GTF2F2: variants seen among roughly 807,000 people sequenced by gnomAD.
GTF2F2 encodes the protein general transcription factor IIF subunit 2, also known as ATP-dependent helicase GTF2F2.
GTF2F2 carries 23 observed loss-of-function variants against 42.2 expected under a neutral mutation model. The ratio of observed to expected loss-of-function variants is 0.55; its 90% CI spans 0.39 to 0.77. The LOEUF (loss-of-function observed/expected upper bound fraction) is 0.77, where lower values mean the gene tolerates loss of function less well. GTF2F2 is among the 30% of genes least tolerant of loss of function. The pLI, the probability that GTF2F2 is intolerant of heterozygous loss-of-function variation, is 0.00. For synonymous variants in GTF2F2, 105 were observed against 100.8 expected (o/e 1.04, Z -0.25); for missense variants, 261 against 287.2 (o/e 0.91, Z 0.66).
chr13:45,190,927 A>G (rs1351600130), intron 4 of GTF2F2, among the ~76,000 whole-genome samples: 1 of 145,068 alleles, frequency 6.9e-6, no homozygotes, highest in Non-Finnish European at 1.5e-5. Context: ...ATTGAAATAC[A>G]AGTAATTTTC....
chr13:45,265,471 A>G (rs78218019), intron 6 of GTF2F2, among the ~76,000 whole-genome samples: 1 of 152,062 alleles, frequency 6.6e-6, no homozygotes, highest in Non-Finnish European at 1.5e-5. Flanking sequence ...TACTCTCCCC[A>G]TATCTTAGCG....
chr13:45,165,967 C>G (rs1871282418), intron 4 of GTF2F2, among the ~76,000 whole-genome samples: 1 of 151,804 alleles, frequency 6.6e-6, no homozygotes, highest in Non-Finnish European at 1.5e-5. Context: ...GCGCCCGCCC[C>G]TACGCCTGGC....
chr13:45,264,531 A>C (rs2138261464), intron 6 of GTF2F2, among the ~76,000 whole-genome samples: 1 of 152,038 alleles, frequency 6.6e-6, no homozygotes, highest in African/African-American at 2.4e-5. Flanking sequence ...TGTCCTCCCA[A>C]AGTTGCTGGG....
intron 4 of GTF2F2, chr13:45,194,675 G>A: frequency 2.0e-6 from 2 of 1,021,676 alleles, no homozygotes; most frequent in Admixed American, 2.5e-5. Context: ...GTGATGGAAT[G>A]GAAACGCTGG....
intron 4 of GTF2F2, among the ~76,000 whole-genome samples, chr13:45,201,612 C>T (rs1873188891): frequency 3.3e-5 from 5 of 152,000 alleles, no homozygotes; most frequent in South Asian, 4.2e-4. Flanking sequence ...TATACATAAC[C>T]TTTAAAATTT....
chr13:45,213,527 A>G (rs1194447260), intron 5 of GTF2F2, among the ~76,000 whole-genome samples: 3 of 152,268 alleles, frequency 2.0e-5, no homozygotes, highest in South Asian at 2.1e-4. Flanking sequence ...GCATTCCCAC[A>G]TATTTAAATG....
chr13:45,267,312 C>T lies in GTF2F2; in HGVS notation c.566C>T (p.Ser189Leu). ...DKQHVLDMLF[S>L]AFEKHQYYNL... ...CAACATGTTTTAGACATGCTATTTT[C>T]AGCCTTTGAGAAACATCAATACTAT... The change falls in exon 7 of 8, where the codon TCA becomes TTA. Residue 189 changes from serine to leucine, a missense_variant. Coordinates refer to ENST00000340473, the MANE Select transcript of GTF2F2 (RefSeq NM_004128.3). 1 of 1,611,080 alleles carries T rather than the reference C, an allele frequency of 6.2e-7. No homozygotes were observed. The highest frequency in any genetic ancestry group is 8.5e-7 in the Non-Finnish European group (1 of 1,177,392).
At chr13:45,127,491 A>G (rs1415484716) in intron 1 of GTF2F2, among the ~76,000 whole-genome samples, 1 of 139,752 alleles carries the variant, frequency 7.2e-6, no homozygotes, top group Non-Finnish European at 1.6e-5. Flanking sequence ...ACGCCCAACT[A>G]ATTTTTTTTT....
At chr13:45,142,656 T>G (rs886393693) in intron 2 of GTF2F2, among the ~76,000 whole-genome samples, 1 of 152,224 alleles carries the variant, frequency 6.6e-6, no homozygotes, top group Non-Finnish European at 1.5e-5. Flanking sequence ...AACAGACTTA[T>G]AGTAATTAGT....
intron 5 of GTF2F2, among the ~76,000 whole-genome samples, chr13:45,224,325 C>G (rs1467620381): frequency 6.6e-6 from 1 of 152,102 alleles, no homozygotes; most frequent in Non-Finnish European, 1.5e-5. Flanking sequence ...TTCCTGTGAG[C>G]AAAGAATCCA....
At chr13:45,264,077 T>A (rs1876459510) in intron 6 of GTF2F2, among the ~76,000 whole-genome samples, 1 of 152,068 alleles carries the variant, frequency 6.6e-6, no homozygotes, top group African/African-American at 2.4e-5. Context: ...AAAAAACAGT[T>A]TTTGTTCACT....
At chr13:45,235,619 C>G (rs949997889) in intron 5 of GTF2F2, among the ~76,000 whole-genome samples, 3 of 151,376 alleles carry the variant, frequency 2.0e-5, no homozygotes, top group Non-Finnish European at 4.4e-5. Flanking sequence ...AGATAGAGTC[C>G]CGCTGTGTTG....
chr13:45,187,968 G>T (rs1290837885), intron 4 of GTF2F2, among the ~76,000 whole-genome samples: 1 of 152,148 alleles, frequency 6.6e-6, no homozygotes, highest in Non-Finnish European at 1.5e-5. Context: ...GAGTGCAGTA[G>T]CACAATCTCA....
At chr13:45,154,505 T>C (rs962609022) in intron 4 of GTF2F2, among the ~76,000 whole-genome samples, 20 of 152,208 alleles carry the variant, frequency 1.3e-4, no homozygotes, top group African/African-American at 4.8e-4. Flanking sequence ...GTATGTTCTT[T>C]ATAGAACTGT....
chr13:45,128,207 G>C (rs920464532), intron 1 of GTF2F2, among the ~76,000 whole-genome samples: 8 of 146,948 alleles, frequency 5.4e-5, no homozygotes, highest in African/African-American at 2.0e-4. Context: ...TGATCCGCCT[G>C]CCTCAGCCTT....
chr13:45,153,307 C>T (rs1480743062), intron 4 of GTF2F2, among the ~76,000 whole-genome samples: 5 of 152,054 alleles, frequency 3.3e-5, no homozygotes, highest in African/African-American at 7.2e-5. Flanking sequence ...CATGAGCCAC[C>T]GGGCCCGGCC....
At chr13:45,263,514 C>A (rs780802873) in intron 6 of GTF2F2, among the ~76,000 whole-genome samples, 4 of 152,182 alleles carry the variant, frequency 2.6e-5, no homozygotes, top group Non-Finnish European at 1.5e-5. Flanking sequence ...AGGCGTGAGC[C>A]ACCGCACCTG....
chr13:45,184,087 G>T (rs986267381), intron 4 of GTF2F2, among the ~76,000 whole-genome samples: 1 of 152,016 alleles, frequency 6.6e-6, no homozygotes, highest in East Asian at 1.9e-4. Context: ...TTGAACTCCC[G>T]ACAAGTGATC....
chr13:45,210,454 A>G (rs1873587174), intron 5 of GTF2F2, among the ~76,000 whole-genome samples: 2 of 152,144 alleles, frequency 1.3e-5, no homozygotes. Context: ...CATGAGGCCT[A>G]CCTTGACTAC....
Sources: gnomAD v4.1 joint callset for allele counts (sites outside exome capture counted in the v4.1 genomes callset) on GRCh38, gnomAD v4.1.1 for gene constraint, MANE v1.5 for transcripts, NCBI Gene and HGNC (gene_info 2026-07-23, HGNC 2026-07-21) for gene names.